The following PDE6A variants were observed in gnomAD, a reference collection of about 807,000 sequenced individuals.
The protein encoded by PDE6A is phosphodiesterase 6A.
A neutral mutation model predicts 106.3 loss-of-function variants in PDE6A; 84 were observed. The ratio of observed to expected loss-of-function variants is 0.79; its 90% CI spans 0.66 to 0.95. PDE6A has a LOEUF of 0.95. Among genes scored for constraint, PDE6A ranks in the 40% least tolerant of loss-of-function variants. PDE6A has a pLI of 0.00. For synonymous variants in PDE6A, 394 were observed against 386.6 expected (o/e 1.02, Z -0.23); for missense variants, 1,052 against 1,084.9 (o/e 0.97, Z 0.43).
chr5:149,924,595 G>C (rs957800784), intron 4 of PDE6A, among the ~76,000 whole-genome samples: 1 of 152,026 alleles, frequency 6.6e-6, no homozygotes, highest in Non-Finnish European at 1.5e-5. Context: ...AAAGAGAGAG[G>C]ATTCCTACTT....
intron 4 of PDE6A, among the ~76,000 whole-genome samples, chr5:149,928,801 T>C (rs912023802): frequency 1.3e-5 from 2 of 152,136 alleles, no homozygotes; most frequent in Non-Finnish European, 2.9e-5. Context: ...ATCAGTGAGA[T>C]AAAAAAGACA....
At chr5:149,886,047 G>A (rs899834167) in intron 14 of PDE6A, among the ~76,000 whole-genome samples, 1 of 152,198 alleles carries the variant, frequency 6.6e-6, no homozygotes, top group Non-Finnish European at 1.5e-5. Flanking sequence ...TTGTATGTAA[G>A]GCAACATATT....
Position 149,930,974 on chromosome 5 carries a change from G to T in PDE6A, c.858+54C>A, listed in dbSNP as rs900180940. 3 of 1,575,608 alleles carry T rather than the reference G, an allele frequency of 1.9e-6. No individual in the cohort carries two copies. The African/African-American group carries it at 4.0e-5, about 21-fold the overall frequency. ...ATGTGTGCCAAGACTCTAGCCGTCAGTCAGTGTCTGTTTAATCTTTTCTTG... is the reference window on the plus strand; with the variant it reads ...ATGTGTGCCAAGACTCTAGCCGTCATTCAGTGTCTGTTTAATCTTTTCTTG... On this transcript the variant is annotated intron_variant, in intron 4 of 21. Coordinates refer to ENST00000255266, the MANE Select transcript of PDE6A (RefSeq NM_000440.3).
chr5:149,940,926 T>C (rs1206679048), intron 1 of PDE6A, among the ~76,000 whole-genome samples: 1 of 152,180 alleles, frequency 6.6e-6, no homozygotes, highest in East Asian at 1.9e-4. Flanking sequence ...GCCCCCTTCC[T>C]CTCCTATTTT....
chr5:149,864,390 C>T (rs1760250953), intron 20 of PDE6A, among the ~76,000 whole-genome samples: 1 of 152,140 alleles, frequency 6.6e-6, no homozygotes, highest in Admixed American at 6.5e-5. Context: ...AGGCATGCAC[C>T]ACCAACCCAG....
chr5:149,943,880 C>T (rs1754394181), intron 1 of PDE6A, among the ~76,000 whole-genome samples: 1 of 152,150 alleles, frequency 6.6e-6, no homozygotes, highest in Non-Finnish European at 1.5e-5. Flanking sequence ...CCAGTACTTA[C>T]AGACAAAGGG....
chr5:149,925,533 C>T (rs554102677), intron 4 of PDE6A, among the ~76,000 whole-genome samples: 1 of 151,796 alleles, frequency 6.6e-6, no homozygotes, highest in African/African-American at 2.4e-5. Flanking sequence ...ATGACGAAAC[C>T]CCATCTGTGC....
intron 20 of PDE6A, among the ~76,000 whole-genome samples, chr5:149,865,439 A>G (rs1396946948): frequency 6.6e-6 from 1 of 151,386 alleles, no homozygotes; most frequent in Non-Finnish European, 1.5e-5. Context: ...CAAAAAACTC[A>G]TGTCCTCAAT....
At chr5:149,936,015 G>A (rs2113663273) in intron 1 of PDE6A, among the ~76,000 whole-genome samples, 1 of 152,258 alleles carries the variant, frequency 6.6e-6, no homozygotes, top group Admixed American at 6.5e-5. Flanking sequence ...TTAGCCAGGT[G>A]TGGTGACATG....
intron 17 of PDE6A, among the ~76,000 whole-genome samples, chr5:149,872,359 A>G (rs1317551564): frequency 2.6e-5 from 4 of 152,220 alleles, no homozygotes; most frequent in African/African-American, 4.8e-5. Context: ...ACTTACTGTG[A>G]TGATCACATA....
At chr5:149,877,974 G>A (rs895154062) in intron 17 of PDE6A, among the ~76,000 whole-genome samples, 5 of 152,162 alleles carry the variant, frequency 3.3e-5, no homozygotes, top group African/African-American at 4.8e-5. Flanking sequence ...AGTATACCCA[G>A]GGATGACTGT....
At chr5:149,900,716 G>A (rs904508072) in intron 8 of PDE6A, among the ~76,000 whole-genome samples, 5 of 152,052 alleles carry the variant, frequency 3.3e-5, no homozygotes, top group African/African-American at 7.2e-5. Context: ...CCTGGTGAGA[G>A]AGTGTCTCCA....
intron 17 of PDE6A, among the ~76,000 whole-genome samples, chr5:149,882,612 T>TA (rs1241150514): frequency 6.6e-6 from 1 of 152,092 alleles, no homozygotes; most frequent in African/African-American, 2.4e-5. Flanking sequence ...TGAGTCCCAT[T>TA]ACCAACCATG....
chr5:149,913,947 T>C (rs1012944617), intron 6 of PDE6A, among the ~76,000 whole-genome samples: 2 of 152,234 alleles, frequency 1.3e-5, no homozygotes, highest in Non-Finnish European at 2.9e-5. Flanking sequence ...CTTTTCACTG[T>C]CTTCCTTGGT....
intron 5 of PDE6A, among the ~76,000 whole-genome samples, chr5:149,920,352 G>A (rs1753668389): frequency 6.6e-6 from 1 of 151,534 alleles, no homozygotes; most frequent in African/African-American, 2.4e-5. Flanking sequence ...AGGCCGAGGT[G>A]GGCGGATCAC....
chr5:149,932,217 A>T (rs1754054817), intron 3 of PDE6A: 2 of 1,336,400 alleles, frequency 1.5e-6, no homozygotes, highest in Non-Finnish European at 2.2e-6. Flanking sequence ...TGTATTTGAA[A>T]TGCCATAAAG....
At chr5:149,918,385 A>C (rs1287465453) in intron 5 of PDE6A, among the ~76,000 whole-genome samples, 2 of 152,202 alleles carry the variant, frequency 1.3e-5, no homozygotes, top group Non-Finnish European at 2.9e-5. Flanking sequence ...TCATAGCGTT[A>C]GTGCAGAGTG....
Position 149,943,551 on chromosome 5 carries a change from GC to G in PDE6A, c.474+648del, listed in dbSNP as rs373902347. ...GCACAAGCTGGTCTCAAACTCTTGG[GC>G]TCAAGTGATTCTCTTGCCTCAGCCC... On this transcript the variant is annotated intron_variant, in intron 1 of 21. Transcript: ENST00000255266. Among the ~76,000 whole-genome samples, 22 of 152,306 alleles carry G rather than the reference GC, an allele frequency of 1.4e-4. 1 individual carries two copies. In the South Asian group the frequency reaches 4.3e-3, roughly 30 times the overall value.
intron 13 of PDE6A, 114 bp downstream of exon 13, chr5:149,895,069 A>G (rs1752685433): frequency 1.3e-6 from 1 of 745,038 alleles, no homozygotes; most frequent in Non-Finnish European, 2.5e-6. Context: ...CATAACTCTT[A>G]AAAGACAATA....
Sources: allele counts gnomAD v4.1 joint callset (sites outside exome capture counted in the v4.1 genomes callset), GRCh38; gene constraint gnomAD v4.1.1; transcripts MANE v1.5; gene names NCBI Gene and HGNC (gene_info 2026-07-23, HGNC 2026-07-21).